The following NTSR1 variants were observed in gnomAD, a reference collection of about 807,000 sequenced individuals.
The protein encoded by NTSR1 is neurotensin receptor 1.
Under a neutral mutation model 31.2 loss-of-function variants are expected in NTSR1, and 29 were observed. The observed-to-expected ratio is 0.93, with a 90% CI of 0.69 to 1.27. The LOEUF (loss-of-function observed/expected upper bound fraction) is 1.27. NTSR1 is among the 50% of genes most tolerant of loss of function. The pLI is 0.00. For synonymous variants in NTSR1, 282 were observed against 269.9 expected, an observed-to-expected ratio of 1.04 and a Z score of -0.44; for missense variants, 697 against 595.4, an observed-to-expected ratio of 1.17 and a Z score of -1.78.
intron 1 of NTSR1, among the ~76,000 whole-genome samples, chr20:62,712,955 T>G (rs1049089309): frequency 3.9e-5 from 6 of 152,200 alleles, no homozygotes; most frequent in African/African-American, 1.2e-4. Context: ...ATACTGAACG[T>G]GTGCACACAT....
intron 1 of NTSR1, among the ~76,000 whole-genome samples, chr20:62,729,943 A>T (rs1370322351): frequency 1.3e-5 from 2 of 151,896 alleles, no homozygotes; most frequent in East Asian, 3.9e-4. Context: ...TTATTAATAG[A>T]CTTTATTTTT....
chr20:62,747,011 C>G (rs928202404), intron 1 of NTSR1, among the ~76,000 whole-genome samples: 4 of 152,230 alleles, frequency 2.6e-5, no homozygotes, highest in Non-Finnish European at 4.4e-5. Flanking sequence ...TGGCAAACTT[C>G]ATTCAACAGC....
intron 1 of NTSR1, among the ~76,000 whole-genome samples, chr20:62,752,694 T>C (rs73151317): frequency 0.025 from 3,827 of 152,286 alleles, 60 homozygotes; most frequent in Non-Finnish European, 0.042. Context: ...CTGTGTTGGA[T>C]ACATTGGTGC....
rs1989205291 is a variant in NTSR1 at position 62,741,443 on chromosome 20, G to C, written c.715-13242G>C. Among the ~76,000 whole-genome samples, 1 of 149,698 alleles carries C rather than the reference G, an allele frequency of 6.7e-6. No individual in the cohort carries two copies. Among genetic ancestry groups the C allele is most frequent in the Non-Finnish European group, 1.5e-5 (1 of 68,028 alleles). On this transcript the variant is annotated intron_variant, in intron 1 of 3. Coordinates refer to ENST00000370501, the MANE Select transcript of NTSR1 (RefSeq NM_002531.3). The surrounding 1 kb of genome is among the most constrained non-coding windows in gnomAD (Gnocchi z 4.3). The stretch of plus-strand genomic sequence containing the variant: ...CTCACCAGCCCCGCTCAGAGGACGG[G>C]TCTGCAGGTGGCCAGAGTTCTCCTG...
Position 62,761,481 on chromosome 20 carries a change from G to C in NTSR1, c.*1214G>C, listed in dbSNP as rs1044304644. 3.9e-5 allele frequency: 6 copies of C among 152,236 alleles called. No individual in the cohort carries two copies. Among genetic ancestry groups the C allele is most frequent in the African/African-American group, 1.4e-4 (6 of 41,464 alleles). The allele number at this position is 152,236 out of a possible 1,614,324, so 9.4% of individuals were successfully genotyped here. ...AGGATCCAGGCTCCACAGAGCACAT[G>C]ACTAGCCAGGCCCCTGGCTTAAGAA... On this transcript the variant is annotated 3_prime_UTR_variant, in exon 4 of 4. Transcript: ENST00000370501.
At chr20:62,725,101 C>G (rs997904096) in intron 1 of NTSR1, among the ~76,000 whole-genome samples, 2 of 152,264 alleles carry the variant, frequency 1.3e-5, no homozygotes, top group Non-Finnish European at 2.9e-5. Flanking sequence ...GGCCTCCTCT[C>G]CCGGCAGACA....
intron 1 of NTSR1, among the ~76,000 whole-genome samples, chr20:62,735,016 C>G (rs962797943): frequency 3.9e-5 from 6 of 152,148 alleles, no homozygotes; most frequent in African/African-American, 1.4e-4. Flanking sequence ...TGGGGTGCCG[C>G]GTGCGGGGTG....
chr20:62,710,590 G>T (rs1988589285), intron 1 of NTSR1, among the ~76,000 whole-genome samples: 1 of 152,166 alleles, frequency 6.6e-6, no homozygotes, highest in Non-Finnish European at 1.5e-5. Context: ...GGATCTGCGT[G>T]TGGCGGCGGT....
At chr20:62,720,920 C>T (rs1988818653) in intron 1 of NTSR1, among the ~76,000 whole-genome samples, 1 of 152,082 alleles carries the variant, frequency 6.6e-6, no homozygotes, top group Non-Finnish European at 1.5e-5. Flanking sequence ...TGTTTAGTTT[C>T]CAAATGTTTG....
chr20:62,737,944 C>G (rs909431764), intron 1 of NTSR1, among the ~76,000 whole-genome samples: 10 of 151,914 alleles, frequency 6.6e-5, no homozygotes, highest in Non-Finnish European at 2.9e-5. Flanking sequence ...CCTGCAGCCT[C>G]TGCGTAAAGC....
intron 1 of NTSR1, among the ~76,000 whole-genome samples, chr20:62,718,328 A>G (rs1393192279): frequency 6.6e-6 from 1 of 151,700 alleles, no homozygotes; most frequent in East Asian, 1.9e-4. Flanking sequence ...GGAGTGACCA[A>G]GGAGTCCTAG....
chr20:62,758,165 C>T lies in NTSR1; in HGVS notation c.917-101C>T. The T allele has an allele frequency of 7.0e-7, 1 of 1,427,158 alleles. No homozygotes were observed. The highest frequency in any genetic ancestry group is 9.7e-7 in the Non-Finnish European group (1 of 1,032,920). 88.4% of individuals were successfully genotyped at this position (1,427,158 alleles called of 1,614,324 possible). The stretch of plus-strand genomic sequence containing the variant: ...TCTGTGCCTCAGGTGCAGTGGGTCT[C>T]TGAGCCCACATCTGTGTGCCTCAGG... On this transcript the variant is annotated intron_variant, in intron 2 of 3. Transcript: ENST00000370501. The surrounding 1 kb of genome is among the most constrained non-coding windows in gnomAD (Gnocchi z 4.5).
intron 1 of NTSR1, among the ~76,000 whole-genome samples, chr20:62,753,009 C>A (rs1044052837): frequency 2.6e-5 from 4 of 152,182 alleles, no homozygotes; most frequent in Non-Finnish European, 5.9e-5. Flanking sequence ...ACAGGTGGCA[C>A]GAGCAAGGGG....
Position 62,709,510 on chromosome 20 carries a change from G to T in NTSR1, c.303G>T (p.Val101=). The T allele has an allele frequency of 1.2e-6, 2 of 1,612,536 alleles. No individual in the cohort carries two copies. The highest frequency in any genetic ancestry group is 1.7e-6 in the Non-Finnish European group (2 of 1,179,878). Reference sequence around the variant, plus strand: ...CGCTGCAGAGCCTGCAGAGCACGGTGCATTACCACCTGGGCAGCCTGGCGC... The same window carrying T: ...CGCTGCAGAGCCTGCAGAGCACGGTTCATTACCACCTGGGCAGCCTGGCGC... ...KKSLQSLQST[V]HYHLGSLALS... Residue 101 remains valine, a synonymous_variant, in exon 1 of 4, where the codon GTG becomes GTT. Coordinates refer to ENST00000370501, the MANE Select transcript of NTSR1 (RefSeq NM_002531.3).
At chr20:62,722,030 C>A (rs1988834411) in intron 1 of NTSR1, among the ~76,000 whole-genome samples, 1 of 152,168 alleles carries the variant, frequency 6.6e-6, no homozygotes, top group Non-Finnish European at 1.5e-5. Context: ...CAATGGGTCA[C>A]ATTTTACTTT....
rs754633607 is a variant in NTSR1, at chr20:62,753,624, G to A, written c.715-1061G>A. On this transcript the variant is annotated intron_variant, in intron 1 of 3. Transcript: ENST00000370501. ...CAGCCTCCGTCCCCGGCACAGGATC[G>A]AACCCGCAAGTGTGGCAGCCAAAGA... Among the ~76,000 whole-genome samples, 5 of 152,240 alleles carry A rather than the reference G, an allele frequency of 3.3e-5. No homozygotes were observed. In the South Asian group the frequency reaches 6.2e-4, roughly 19 times the overall value.
rs1414002198 is a variant in NTSR1 at position 62,758,065 on chromosome 20, CTG to C, written c.917-198_917-197del. On this transcript the variant is annotated intron_variant, in intron 2 of 3. Coordinates refer to ENST00000370501, the MANE Select transcript of NTSR1 (RefSeq NM_002531.3). This position sits in a 1 kb window ranked among gnomAD's most constrained non-coding sequence, Gnocchi z 4.5. Reference sequence around the variant, plus strand: ...ATGTCCTGTCTCTGAGCCCACGTCTCTGTGCCTCAGGTGCAGTGGGTCTCTGA... The same window carrying C: ...ATGTCCTGTCTCTGAGCCCACGTCTCTGCCTCAGGTGCAGTGGGTCTCTGA... Among the ~76,000 whole-genome samples the C allele has an allele frequency of 1.4e-5, 2 of 144,706 alleles. No individual in the cohort carries two copies. Among genetic ancestry groups the C allele is most frequent in the Non-Finnish European group, 3.0e-5 (2 of 66,838 alleles). 94.9% of individuals were successfully genotyped at this position (144,706 alleles called of 152,430 possible).
intron 1 of NTSR1, among the ~76,000 whole-genome samples, chr20:62,734,625 G>A (rs1989055330): frequency 6.6e-6 from 1 of 152,230 alleles, no homozygotes; most frequent in Non-Finnish European, 1.5e-5. Context: ...GCTGCAGGCA[G>A]CCCTGTCTAA....
intron 1 of NTSR1, among the ~76,000 whole-genome samples, chr20:62,726,197 C>T (rs1988904353): frequency 6.6e-6 from 1 of 152,182 alleles, no homozygotes; most frequent in South Asian, 2.1e-4. Flanking sequence ...CTGATTCTCT[C>T]CCCAAAATTG....
Sources: allele counts gnomAD v4.1 joint callset (sites outside exome capture counted in the v4.1 genomes callset), GRCh38; gene constraint gnomAD v4.1.1; non-coding constraint Gnocchi (gnomAD v3.1); transcripts MANE v1.5; gene names NCBI Gene and HGNC (gene_info 2026-07-23, HGNC 2026-07-21).